SUSD5: variants seen among roughly 807,000 people sequenced by gnomAD.
SUSD5 encodes the protein sushi domain-containing protein 5.
A neutral mutation model predicts 29.5 loss-of-function variants in SUSD5; 33 were observed. The observed-to-expected ratio is 1.12, with a 90% CI of 0.85 to 1.49. The LOEUF is 1.49. Ranked by LOEUF, SUSD5 falls within the 40% of genes most tolerant of loss-of-function variation. The pLI is 0.00. For synonymous variants in SUSD5, 308 were observed against 325.3 expected, an observed-to-expected ratio of 0.95 and a Z score of 0.57; for missense variants, 776 against 800.6, an observed-to-expected ratio of 0.97 and a Z score of 0.37.
At chr3:33,160,018 G>A (rs931145728) in intron 4 of SUSD5, among the ~76,000 whole-genome samples, 2 of 152,196 alleles carry the variant, frequency 1.3e-5, no homozygotes, top group Non-Finnish European at 2.9e-5. Flanking sequence ...CAGTAACCAG[G>A]AGGGCTGCTT....
chr3:33,187,609 T>G (rs562702960), intron 3 of SUSD5, among the ~76,000 whole-genome samples: 1 of 152,086 alleles, frequency 6.6e-6, no homozygotes, highest in South Asian at 2.1e-4. Flanking sequence ...TGGACCTTCT[T>G]CTCCTCTCTA....
chr3:33,151,742 GT>G lies in SUSD5; in HGVS notation c.*999del, dbSNP rs1276806992. The G allele has an allele frequency of 6.6e-6, 1 of 152,036 alleles. No homozygotes were observed. The highest frequency in any genetic ancestry group is 1.5e-5 in the Non-Finnish European group (1 of 68,008). The allele number at this position is 152,036 out of a possible 1,614,324, so 9.4% of individuals were successfully genotyped here. ...TACTTACTGGTACAAAGCTAACTTT[GT>G]TTTTAAAAAATAATGGCAAATCCTT... On this transcript the variant is annotated 3_prime_UTR_variant, in exon 5 of 5. Transcript: ENST00000309558.
At chr3:33,154,076 C>T (rs2030992778) in intron 4 of SUSD5, 43 bp from the exon 5 acceptor site, 5 of 1,476,274 alleles carry the variant, frequency 3.4e-6, no homozygotes, top group Non-Finnish European at 4.5e-6. Flanking sequence ...TCCAAAGGCA[C>T]AGAGCCAGTA....
chr3:33,182,626 A>T (rs2031695049), intron 3 of SUSD5, among the ~76,000 whole-genome samples: 1 of 152,206 alleles, frequency 6.6e-6, no homozygotes, highest in African/African-American at 2.4e-5. Context: ...TACATTAAAG[A>T]TGGTTATGTC....
chr3:33,159,716 C>CAT (rs896995226), intron 4 of SUSD5, among the ~76,000 whole-genome samples: 4 of 152,072 alleles, frequency 2.6e-5, no homozygotes, highest in Non-Finnish European at 5.9e-5. Flanking sequence ...TACACACACA[C>CAT]ACACACACAA....
chr3:33,193,276 C>T lies in SUSD5; in HGVS notation c.409+14532G>A, dbSNP rs147649919. ...GAAACAACACTATTTGCATTGTAGA[C>T]GATGCATTGAGGAAGCATGCCTGGA... On this transcript the variant is annotated intron_variant, in intron 3 of 4. Transcript: ENST00000309558. Among the ~76,000 whole-genome samples, 41 of 152,178 alleles carry T rather than the reference C, an allele frequency of 2.7e-4. No individual in the cohort carries two copies. The East Asian group carries it at 7.5e-3, about 28-fold the overall frequency.
intron 4 of SUSD5, among the ~76,000 whole-genome samples, chr3:33,174,093 T>C (rs2031492835): frequency 6.6e-6 from 1 of 152,188 alleles, no homozygotes; most frequent in African/African-American, 2.4e-5. Flanking sequence ...CCACTAGGAC[T>C]CTTTTTAGTT....
intron 4 of SUSD5, among the ~76,000 whole-genome samples, chr3:33,164,969 AACACACACACAC>A (rs34551240): frequency 2.0e-4 from 29 of 147,032 alleles, no homozygotes; most frequent in Non-Finnish European, 2.5e-4. Context: ...ACTAAAGTTG[AACACACACACAC>A]ACACACACAC....
chr3:33,202,062 G>A (rs6808153), intron 3 of SUSD5, among the ~76,000 whole-genome samples: 5,463 of 38,720 alleles, frequency 0.14, 103 homozygotes, highest in Non-Finnish European at 0.17. Flanking sequence ...CTATCTATCT[G>A]TCTATCTATC....
chr3:33,159,706 TACACAC>T (rs35599277), intron 4 of SUSD5, among the ~76,000 whole-genome samples: 2 of 151,000 alleles, frequency 1.3e-5, no homozygotes, highest in South Asian at 2.1e-4. Context: ...AACACACCCA[TACACAC>T]ACACACACAC....
rs2030924989 is a variant in SUSD5, at chr3:33,152,538, A to AG, written c.*203dup. On this transcript the variant is annotated 3_prime_UTR_variant, in exon 5 of 5. Coordinates refer to ENST00000309558, the MANE Select transcript of SUSD5 (RefSeq NM_015551.2). The stretch of plus-strand genomic sequence containing the variant: ...TCAATTCCAGGGCAGATGGTGGAGG[A>AG]GACATTGACATGAGTGATGATGTCA... 8 of 579,494 alleles carry AG rather than the reference A, an allele frequency of 1.4e-5. No individual in the cohort carries two copies. The highest frequency in any genetic ancestry group is 2.1e-5 in the Non-Finnish European group (7 of 330,594). The allele number at this position is 579,494 out of a possible 1,614,324, so 35.9% of individuals were successfully genotyped here.
In SUSD5 at chr3:33,153,784, G is replaced by C. The variant is rs373273032; in HGVS notation, c.848C>G (p.Ser283Ter). ...PGAGSSVPAD[S>*]PGSRLLQKHL... ...CTTCTGGAGCAGCCGTGATCCTGGT[G>C]AATCTGCGGGGACACTGCTCCCAGC... is the stretch of plus-strand genomic sequence containing the variant. Residue 283 changes from serine (S) to a stop codon, truncating the protein, a stop_gained, in exon 5 of 5, where the codon TCA becomes TGA. Coordinates refer to ENST00000309558, the MANE Select transcript of SUSD5 (RefSeq NM_015551.2). LOFTEE classifies it low-confidence loss of function (END_TRUNC). 3.7e-6 allele frequency: 6 copies of C among 1,614,038 alleles called. No individual in the cohort carries two copies. The highest frequency in any genetic ancestry group is 3.4e-6 in the Non-Finnish European group (4 of 1,179,892).
chr3:33,185,342 T>C (rs993700685), intron 3 of SUSD5, among the ~76,000 whole-genome samples: 1 of 152,248 alleles, frequency 6.6e-6, no homozygotes, highest in East Asian at 1.9e-4. Flanking sequence ...TTTTCTCTGA[T>C]ATTTTCTGTA....
intron 3 of SUSD5, among the ~76,000 whole-genome samples, chr3:33,192,826 A>G (rs2031919990): frequency 6.6e-6 from 1 of 151,638 alleles, no homozygotes; most frequent in Non-Finnish European, 1.5e-5. Context: ...AAAAATATAT[A>G]TATATAATCT....
intron 4 of SUSD5, among the ~76,000 whole-genome samples, chr3:33,173,721 G>A (rs997561550): frequency 6.6e-5 from 10 of 152,192 alleles, no homozygotes; most frequent in Admixed American, 6.5e-4. Context: ...ACCAAACTCT[G>A]CTTGGTACCT....
At position 33,151,856 on chromosome 3, in the gene SUSD5, T is replaced by A. The variant is rs535065830; in HGVS notation, c.*886A>T. The A allele has an allele frequency of 6.6e-6, 1 of 152,304 alleles. No individual in the cohort carries two copies. Among genetic ancestry groups the A allele is most frequent in the Non-Finnish European group, 1.5e-5 (1 of 68,024 alleles). The allele number at this position is 152,304 out of a possible 1,614,324, so 9.4% of individuals were successfully genotyped here. On this transcript the variant is annotated 3_prime_UTR_variant, in exon 5 of 5. Transcript: ENST00000309558. ...CAGAGGGGGATGTGTGTTTCTTCAC[T>A]CCTCAACTCCCCCAACAAAATGTCA... is the stretch of plus-strand genomic sequence containing the variant.
chr3:33,183,729 A>G (rs559742641), intron 3 of SUSD5, among the ~76,000 whole-genome samples: 1 of 152,162 alleles, frequency 6.6e-6, no homozygotes, highest in African/African-American at 2.4e-5. Flanking sequence ...TTTCTGACCT[A>G]TATCATTTCC....
intron 3 of SUSD5, among the ~76,000 whole-genome samples, chr3:33,177,778 G>A (rs2031582705): frequency 6.6e-6 from 1 of 152,034 alleles, no homozygotes; most frequent in African/African-American, 2.4e-5. Flanking sequence ...TGCTATAATT[G>A]CTTTTTTTAA....
chr3:33,207,540 A>C (rs751113572), intron 3 of SUSD5, among the ~76,000 whole-genome samples: 1 of 152,150 alleles, frequency 6.6e-6, no homozygotes, highest in South Asian at 2.1e-4. Context: ...TACATACACT[A>C]TCTCCAGGGG....
Sources: gnomAD v4.1 joint callset for allele counts (sites outside exome capture counted in the v4.1 genomes callset) on GRCh38, gnomAD v4.1.1 for gene constraint, MANE v1.5 for transcripts, NCBI Gene and HGNC (gene_info 2026-07-23, HGNC 2026-07-21) for gene names.